NKIRAS1: variants seen among roughly 807,000 people sequenced by gnomAD.
The protein encoded by NKIRAS1 is NFKB inhibitor interacting Ras like 1.
A neutral mutation model predicts 19.8 loss-of-function variants in NKIRAS1; 16 were observed. That is an observed-to-expected ratio of 0.81 (90% CI 0.55 to 1.23). The LOEUF is 1.23. Ranked by LOEUF, NKIRAS1 falls within the 50% of genes most tolerant of loss-of-function variation. The pLI is 0.00. For missense variants in NKIRAS1, 184 were observed against 220.0 expected, an observed-to-expected ratio of 0.84 and a Z score of 1.04; for synonymous variants, 88 against 79.0, an observed-to-expected ratio of 1.11 and a Z score of -0.61.
intron 1 of NKIRAS1, among the ~76,000 whole-genome samples, chr3:23,929,529 C>T (rs1309837086): frequency 2.0e-5 from 3 of 152,106 alleles, no homozygotes; most frequent in Non-Finnish European, 4.4e-5. Context: ...CCGGCTCAAG[C>T]GATCCTCCCA....
intron 1 of NKIRAS1, among the ~76,000 whole-genome samples, chr3:23,925,310 A>C (rs940527387): frequency 6.6e-6 from 1 of 152,190 alleles, no homozygotes; most frequent in African/African-American, 2.4e-5. Flanking sequence ...GACATTGCTT[A>C]GCATTGCCAG....
chr3:23,945,605 G>A (rs1705639844), intron 1 of NKIRAS1: 2 of 1,170,350 alleles, frequency 1.7e-6, no homozygotes, highest in East Asian at 7.9e-5. Flanking sequence ...GTAAGAACCG[G>A]ACTGCGGCGG....
intron 1 of NKIRAS1, among the ~76,000 whole-genome samples, chr3:23,914,430 C>A (rs771824672): frequency 6.6e-6 from 1 of 152,128 alleles, no homozygotes; most frequent in Non-Finnish European, 1.5e-5. Flanking sequence ...GTGGGGAAAC[C>A]ACCTACACTG....
intron 1 of NKIRAS1, among the ~76,000 whole-genome samples, chr3:23,928,399 T>C (rs1401373302): frequency 1.3e-5 from 2 of 152,088 alleles, no homozygotes; most frequent in Non-Finnish European, 2.9e-5. Flanking sequence ...TTTGGTGAAC[T>C]GACATTAAGT....
chr3:23,917,794 AGTC>A (rs1704730974), upstream of NKIRAS1: 1 of 1,495,564 alleles, frequency 6.7e-7, no homozygotes, highest in Admixed American at 2.1e-5. Context: ...GGACGGATAC[AGTC>A]GTCTTATTGT....
intron 1 of NKIRAS1, among the ~76,000 whole-genome samples, chr3:23,924,947 C>G (rs1327536146): frequency 6.6e-6 from 1 of 152,142 alleles, no homozygotes; most frequent in African/African-American, 2.4e-5. Flanking sequence ...AAAGATTGTT[C>G]TCACTCTAGA....
chr3:23,931,184 G>A lies in NKIRAS1; in HGVS notation c.-140+15139C>T, dbSNP rs527837674. ...TGTTTCCATCATTGACCTGGTTTCT[G>A]AAGTGGTTTGAAACTCTTCGTAAAG... On this transcript the variant is annotated intron_variant, in intron 1 of 4. Transcript: ENST00000421515. Among the ~76,000 whole-genome samples, 7 of 152,262 alleles carry A rather than the reference G, an allele frequency of 4.6e-5. No individual in the cohort carries two copies. In the South Asian group the frequency reaches 1.5e-3, roughly 32 times the overall value.
intron 1 of NKIRAS1, among the ~76,000 whole-genome samples, chr3:23,937,120 G>C (rs1705408261): frequency 6.6e-6 from 1 of 152,094 alleles, no homozygotes; most frequent in Non-Finnish European, 1.5e-5. Flanking sequence ...GCCTGGGGTG[G>C]TGTAATCCTG....
intron 1 of NKIRAS1, among the ~76,000 whole-genome samples, chr3:23,944,826 G>C (rs1007704313): frequency 6.6e-6 from 1 of 151,554 alleles, no homozygotes; most frequent in Non-Finnish European, 1.5e-5. Flanking sequence ...GAGGTCGGTC[G>C]GGTGGGAGCG....
chr3:23,942,281 G>A (rs1425743358), intron 1 of NKIRAS1, among the ~76,000 whole-genome samples: 11 of 151,534 alleles, frequency 7.3e-5, no homozygotes, highest in Admixed American at 7.2e-4. Context: ...GCCTGGCCTA[G>A]AGCAGTACTG....
chr3:23,946,417 G>A (rs77454224), exon 1 of NKIRAS1: 5 of 467,584 alleles, frequency 1.1e-5, no homozygotes, highest in African/African-American at 4.2e-5. Context: ...GAAGGGATAC[G>A]CTCGAAGGAG....
chr3:23,904,056 T>C (rs1360239429), intron 3 of NKIRAS1, among the ~76,000 whole-genome samples: 2 of 152,056 alleles, frequency 1.3e-5, no homozygotes, highest in Non-Finnish European at 2.9e-5. Flanking sequence ...TTGCAGCTAC[T>C]TGGGAGGCTG....
intron 1 of NKIRAS1, among the ~76,000 whole-genome samples, chr3:23,933,756 C>T (rs941472241): frequency 6.6e-5 from 10 of 152,060 alleles, no homozygotes; most frequent in African/African-American, 2.4e-4. Flanking sequence ...CTTTGTGCTG[C>T]GATAACAAAT....
intron 1 of NKIRAS1, among the ~76,000 whole-genome samples, chr3:23,941,814 T>C (rs11917128): frequency 0.053 from 8,075 of 152,230 alleles, 266 homozygotes; most frequent in African/African-American, 0.083. Flanking sequence ...TAAAAAACGC[T>C]GAGGCTCATA....
At chr3:23,909,584 T>C (rs1016484618) in intron 3 of NKIRAS1, among the ~76,000 whole-genome samples, 2 of 152,190 alleles carry the variant, frequency 1.3e-5, no homozygotes, top group East Asian at 3.8e-4. Context: ...TGATGATCTC[T>C]GTTTACTTAT....
chr3:23,925,408 C>A (rs566578022), intron 1 of NKIRAS1, among the ~76,000 whole-genome samples: 1 of 152,024 alleles, frequency 6.6e-6, no homozygotes, highest in Non-Finnish European at 1.5e-5. Context: ...CCGAGGCAGG[C>A]GGATTGCTTG....
chr3:23,903,523 A>G (rs760432068), intron 3 of NKIRAS1, among the ~76,000 whole-genome samples: 13 of 148,120 alleles, frequency 8.8e-5, no homozygotes, highest in Non-Finnish European at 1.8e-4. Context: ...TATACAAAGA[A>G]AAGAAAACAA....
intron 3 of NKIRAS1, among the ~76,000 whole-genome samples, chr3:23,906,781 G>A (rs186988208): frequency 6.6e-6 from 1 of 152,068 alleles, no homozygotes; most frequent in East Asian, 1.9e-4. Flanking sequence ...CAAAGAGAGT[G>A]TCTTATATCC....
At chr3:23,904,105 C>T (rs555015248) in intron 3 of NKIRAS1, among the ~76,000 whole-genome samples, 17 of 152,200 alleles carry the variant, frequency 1.1e-4, no homozygotes, top group African/African-American at 3.6e-4. Context: ...GCGGAGGCTG[C>T]AGTGAGCTGA....
Sources: gnomAD v4.1 joint callset for allele counts (sites outside exome capture counted in the v4.1 genomes callset) on GRCh38, gnomAD v4.1.1 for gene constraint, MANE v1.5 for transcripts, NCBI Gene and HGNC (gene_info 2026-07-23, HGNC 2026-07-21) for gene names.